RDH16: variants seen among roughly 807,000 people sequenced by gnomAD.
The protein encoded by RDH16 is human epidermal retinol dehydrogenase.
Under a neutral mutation model 22.3 loss-of-function variants are expected in RDH16, and 25 were observed. That is an observed-to-expected ratio of 1.12 (90% CI 0.82 to 1.56). The LOEUF is 1.56. Among genes scored for constraint, RDH16 ranks in the 40% most tolerant of loss-of-function variants. The pLI, the probability that RDH16 is intolerant of heterozygous loss-of-function variation, is 0.00. For synonymous variants in RDH16, 154 were observed against 164.4 expected (o/e 0.94, Z 0.48); for missense variants, 413 against 394.9 (o/e 1.05, Z -0.39).
At chr12:56,952,340 G>T in intron 3 of RDH16, 94 bp from the exon 4 acceptor site, 1 of 1,163,028 alleles carries the variant, frequency 8.6e-7, no homozygotes, top group Non-Finnish European at 1.2e-6. Context: ...AAGAACTCAT[G>T]CCACCCCACA....
chr12:56,951,978 ACCCCTCATAGCACACC>A lies in RDH16; in HGVS notation c.*35_*50del. The A allele has an allele frequency of 6.5e-7, 1 of 1,531,874 alleles. No homozygotes were observed. The highest frequency in any genetic ancestry group is 1.1e-5 in the South Asian group (1 of 88,496). The allele number at this position is 1,531,874 out of a possible 1,614,324, so 94.9% of individuals were successfully genotyped here. A position where few individuals can be genotyped will look rare whatever the true frequency, so the allele number is the denominator to read the frequency against. On this transcript the variant is annotated 3_prime_UTR_variant, in exon 4 of 4. Coordinates refer to ENST00000398138, the MANE Select transcript of RDH16 (RefSeq NM_003708.5). The stretch of plus-strand genomic sequence containing the variant: ...TTTATATCTCTCCCAAGGATACACC[ACCCCTCATAGCACACC>A]CCAAATCCATGCAACCATGCATCCA...
chr12:56,951,809 G>A lies in RDH16; in HGVS notation c.*220C>T, dbSNP rs144421773. On this transcript the variant is annotated 3_prime_UTR_variant, in exon 4 of 4. Coordinates refer to ENST00000398138, the MANE Select transcript of RDH16 (RefSeq NM_003708.5). Reference sequence around the variant, plus strand: ...ACAATGCACCCAGGAGCACTATTTGGTCCCTGTTTCTCAGCTGCGTAACTT... The same window carrying A: ...ACAATGCACCCAGGAGCACTATTTGATCCCTGTTTCTCAGCTGCGTAACTT... 2,428 of 577,800 alleles carry A rather than the reference G, an allele frequency of 4.2e-3. 8 individuals are homozygous for A. The highest frequency in any genetic ancestry group is 6.4e-3 in the Non-Finnish European group (2,075 of 323,432). 35.8% of individuals were successfully genotyped at this position (577,800 alleles called of 1,614,324 possible). A position where few individuals can be genotyped will look rare whatever the true frequency, so the allele number is the denominator to read the frequency against.
chr12:56,954,543 G>A (rs945128620), intron 2 of RDH16, among the ~76,000 whole-genome samples: 4 of 152,176 alleles, frequency 2.6e-5, no homozygotes, highest in Admixed American at 2.6e-4. Flanking sequence ...GATACACAGT[G>A]TTCCCCTGTC....
Position 56,951,977 on chromosome 12 carries a change from C to T in RDH16, c.*52G>A. 1 of 1,528,576 alleles carries T rather than the reference C, an allele frequency of 6.5e-7. No individual in the cohort carries two copies. Among genetic ancestry groups the T allele is most frequent in the South Asian group, 1.1e-5 (1 of 88,142 alleles). The allele number at this position is 1,528,576 out of a possible 1,614,324, so 94.7% of individuals were successfully genotyped here. A position where few individuals can be genotyped will look rare whatever the true frequency, so the allele number is the denominator to read the frequency against. ...CTTTATATCTCTCCCAAGGATACAC[C>T]ACCCCTCATAGCACACCCCAAATCC... On this transcript the variant is annotated 3_prime_UTR_variant, in exon 4 of 4. Coordinates refer to ENST00000398138, the MANE Select transcript of RDH16 (RefSeq NM_003708.5).
rs201304555 is a variant in RDH16, at chr12:56,952,048, C to T, written c.935G>A (p.Ser312Asn). 70 of 1,614,082 alleles carry T rather than the reference C, an allele frequency of 4.3e-5. No individual in the cohort carries two copies. The East Asian group carries it at 1.6e-3, about 36-fold the overall frequency. Residue 312 changes from serine to asparagine, a missense_variant, in exon 4 of 4, where the codon AGC becomes AAC. Transcript: ENST00000398138. Reference protein sequence around the residue: ...VDAIMYWVSPSPAKAL With the variant: ...VDAIMYWVSPNPAKAL ...TTAGCTTCATAGAGCCTTGGCCGGG[C>T]TTGGAGAGACCCAGTACATAATGGC...
intron 2 of RDH16, 56 bp from the exon 3 acceptor site, chr12:56,953,046 C>T: frequency 6.8e-7 from 1 of 1,478,070 alleles, no homozygotes; most frequent in South Asian, 1.3e-5. Context: ...AGGTAAAACA[C>T]AAACAATAAA....
At chr12:56,954,549 CT>C (rs1431788298) in intron 2 of RDH16, among the ~76,000 whole-genome samples, 4 of 152,200 alleles carry the variant, frequency 2.6e-5, no homozygotes, top group Non-Finnish European at 5.9e-5. Flanking sequence ...CAGTGTTCCC[CT>C]GTCCTGGGCT....
intron 3 of RDH16, among the ~76,000 whole-genome samples, chr12:56,952,624 C>T (rs1019799145): frequency 7.2e-5 from 11 of 152,186 alleles, no homozygotes; most frequent in African/African-American, 2.4e-4. Flanking sequence ...GACACTGGTC[C>T]CAAGTTCTGA....
intron 3 of RDH16, 139 bp from the exon 4 acceptor site, chr12:56,952,385 T>C: frequency 1.3e-6 from 1 of 778,356 alleles, no homozygotes; most frequent in South Asian, 1.7e-5. Flanking sequence ...ATCTCTTTTA[T>C]CCAAATTCCC....
chr12:56,957,512 G>A lies in RDH16; in HGVS notation c.-50C>T, dbSNP rs747859346. The A allele has an allele frequency of 6.4e-7, 1 of 1,559,446 alleles. No individual in the cohort carries two copies. Among genetic ancestry groups the A allele is most frequent in the Non-Finnish European group, 8.7e-7 (1 of 1,146,764 alleles). On this transcript the variant is annotated 5_prime_UTR_variant, in exon 1 of 4. Coordinates refer to ENST00000398138, the MANE Select transcript of RDH16 (RefSeq NM_003708.5). ...CAGGCTGTGGGGGAAACCAGAGTCT[G>A]GCCTCTGTTCAGACAGGAGGATTTA...
rs938069565 is a variant in RDH16, at chr12:56,955,517, T to C, written c.314-353A>G. ...ATGTTTGGTTAGTTAAACATGAATG[T>C]TGCAGACATTACAGACATACAGCTG... On this transcript the variant is annotated intron_variant, in intron 1 of 3. Transcript: ENST00000398138. 2.5e-4 allele frequency among the ~76,000 whole-genome samples: 38 copies of C among 152,324 alleles called. 1 individual carries two copies. Among genetic ancestry groups the C allele is most frequent in the African/African-American group, 8.9e-4 (37 of 41,580 alleles).
At position 56,955,034 on chromosome 12, in the gene RDH16, CA is replaced by C. The variant is rs774753628; in HGVS notation, c.443del (p.Leu148ArgfsTer4). 157 of 1,614,048 alleles carry C rather than the reference CA, an allele frequency of 9.7e-5. 2 individuals are homozygous for C. The highest frequency in any genetic ancestry group is 6.6e-5 in the South Asian group (6 of 91,082). The stretch of plus-strand genomic sequence containing the variant: ...CCCTGGCCCTCCTCACTAAGGGCAG[CA>C]GGCTCAGAGTCACATCAATCACCCC... ...LLGVIDVTLS[L>X]LPLVRRARGR... On this transcript the variant is annotated frameshift_variant, in exon 2 of 4. Transcript: ENST00000398138. LOFTEE classifies it high-confidence loss of function.
Position 56,951,623 on chromosome 12 carries a change from C to T in RDH16, c.*406G>A, listed in dbSNP as rs79452479. The stretch of plus-strand genomic sequence containing the variant: ...CACATCCTCCAGGCCATTTCCACCC[C>T]GTGGGAGGGTGTAGACTGGCCCAGA... On this transcript the variant is annotated 3_prime_UTR_variant, in exon 4 of 4. Transcript: ENST00000398138. The T allele has an allele frequency of 7.7e-3, 1,675 of 218,536 alleles. 14 individuals are homozygous for T. The highest frequency in any genetic ancestry group is 0.03 in the Middle Eastern group (16 of 542). The allele number at this position is 218,536 out of a possible 1,614,324, so 13.5% of individuals were successfully genotyped here.
intron 1 of RDH16, among the ~76,000 whole-genome samples, chr12:56,955,522 G>A (rs1055115117): frequency 2.0e-5 from 3 of 152,184 alleles, no homozygotes. Context: ...GAATGTTGCA[G>A]ACATTACAGA....
intron 1 of RDH16, among the ~76,000 whole-genome samples, chr12:56,956,442 A>T (rs1955929564): frequency 6.6e-6 from 1 of 152,248 alleles, no homozygotes; most frequent in South Asian, 2.1e-4. Flanking sequence ...AATTGTAAAA[A>T]GGACTTATGT....
chr12:56,957,597 A>C lies in RDH16; in HGVS notation c.-135T>G. ...TCAGGCATTTTGGCAGGGAATCCTC[A>C]CTTTCCTCCCTGATGACTGCCTTTC... On this transcript the variant is annotated 5_prime_UTR_variant, in exon 1 of 4. Transcript: ENST00000398138. 1 of 933,266 alleles carries C rather than the reference A, an allele frequency of 1.1e-6. No homozygotes were observed. Among genetic ancestry groups the C allele is most frequent in the Non-Finnish European group, 1.6e-6 (1 of 620,584 alleles). 57.8% of individuals were successfully genotyped at this position (933,266 alleles called of 1,614,324 possible).
Position 56,951,902 on chromosome 12 carries a change from T to C in RDH16, c.*127A>G, listed in dbSNP as rs1955882384. On this transcript the variant is annotated 3_prime_UTR_variant, in exon 4 of 4. Transcript: ENST00000398138. ...CAGGAGAATCATGGCCAGGAGGTAATGAAGGAGGTGGGATTGGTGCCCTAC... is the reference window on the plus strand; with the variant it reads ...CAGGAGAATCATGGCCAGGAGGTAACGAAGGAGGTGGGATTGGTGCCCTAC... 1.5e-6 allele frequency: 1 copy of C among 687,334 alleles called. No individual in the cohort carries two copies. Among genetic ancestry groups the C allele is most frequent in the East Asian group, 2.7e-5 (1 of 36,740 alleles). 42.6% of individuals were successfully genotyped at this position (687,334 alleles called of 1,614,324 possible). A position where few individuals can be genotyped will look rare whatever the true frequency, so the allele number is the denominator to read the frequency against.
chr12:56,952,562 T>C (rs900761913), intron 3 of RDH16, among the ~76,000 whole-genome samples: 1 of 152,196 alleles, frequency 6.6e-6, no homozygotes, highest in Middle Eastern at 3.2e-3. Context: ...CAGCCACCAA[T>C]GTCTTCCCTT....
Position 56,957,201 on chromosome 12 carries a change from C to A in RDH16, c.262G>T (p.Glu88Ter). 6.2e-7 allele frequency: 1 copy of A among 1,614,062 alleles called. No homozygotes were observed. The highest frequency in any genetic ancestry group is 8.5e-7 in the Non-Finnish European group (1 of 1,179,940). Residue 88 changes from glutamate to a stop codon, truncating the protein, a stop_gained, in exon 1 of 4, where the codon GAG becomes TAG. Transcript: ENST00000398138. LOFTEE classifies it high-confidence loss of function. ...ETVTLDVTKTESVAAAAQWVK... is the reference protein window; with the variant it reads ...ETVTLDVTKT ...CACTGGGCGGCTGCAGCAACGCTCT[C>A]TGTCTTGGTAACATCCAGGGTCACC... is the stretch of plus-strand genomic sequence containing the variant.
Sources: allele counts gnomAD v4.1 joint callset (sites outside exome capture counted in the v4.1 genomes callset), GRCh38; gene constraint gnomAD v4.1.1; transcripts MANE v1.5; gene names NCBI Gene and HGNC (gene_info 2026-07-23, HGNC 2026-07-21).